SPDYE12: variants seen among roughly 807,000 people sequenced by gnomAD.
The protein encoded by SPDYE12 is speedy/RINGO cell cycle regulator family member E12, also known as speedy protein E12.
the SPDYE12 span, among the ~76,000 whole-genome samples, chr7:74,906,196 C>A: frequency 7.1e-6 from 1 of 140,948 alleles, no homozygotes; most frequent in African/African-American, 3.1e-5. Flanking sequence ...AATCCTCCCT[C>A]CTCATGACAA....
At chr7:74,909,033 G>GTTTTTTTTTTTTTTTTTTGGTT in the SPDYE12 span, among the ~76,000 whole-genome samples, 1 of 32,002 alleles carries the variant, frequency 3.1e-5, no homozygotes, top group Non-Finnish European at 9.0e-5. Context: ...TTTTTGCCTG[G>GTTTTTTTTTTTTTTTTTTGGTT]TTTTTTTTTT....
At chr7:74,904,626 G>GT in the SPDYE12 span, among the ~76,000 whole-genome samples, 2 of 151,288 alleles carry the variant, frequency 1.3e-5, no homozygotes, top group Non-Finnish European at 3.0e-5. Context: ...AGATTGAAAG[G>GT]TAAAAGATTT....
the SPDYE12 span, chr7:74,909,743 T>A: frequency 9.0e-7 from 1 of 1,114,746 alleles, no homozygotes; most frequent in African/African-American, 1.5e-5. Flanking sequence ...ACTGTGCTCA[T>A]GTGGAAATTG....
chr7:74,910,435 A>G, the SPDYE12 span, among the ~76,000 whole-genome samples: 448 of 149,632 alleles, frequency 3.0e-3, 5 homozygotes, highest in African/African-American at 9.6e-3. Flanking sequence ...GACGTCTGTA[A>G]TCTCAGCACT....
At chr7:74,914,936 C>CA in the SPDYE12 span, among the ~76,000 whole-genome samples, 10,064 of 93,762 alleles carry the variant, frequency 0.11, 158 homozygotes, top group African/African-American at 0.27. Context: ...AAAAAAAAAA[C>CA]AAAAAAAAAA....
chr7:74,904,726 A>G, the SPDYE12 span, among the ~76,000 whole-genome samples: 1 of 150,968 alleles, frequency 6.6e-6, no homozygotes, highest in South Asian at 2.1e-4. Flanking sequence ...AGCTTTGTAG[A>G]AACAGCATCT....
the SPDYE12 span, among the ~76,000 whole-genome samples, chr7:74,905,183 ATTATCT>A: frequency 8.8e-6 from 1 of 114,076 alleles, no homozygotes; most frequent in Non-Finnish European, 1.7e-5. Context: ...TGAAAAGAAA[ATTATCT>A]TTAGGTATAT....
chr7:74,906,277 C>G, the SPDYE12 span, among the ~76,000 whole-genome samples: 3 of 142,080 alleles, frequency 2.1e-5, no homozygotes, highest in Non-Finnish European at 4.4e-5. Context: ...AACCCTCGAC[C>G]CAGATCGGTA....
At chr7:74,909,050 T>TTCTTTTTTTTTTTTTTTTTTTG in the SPDYE12 span, among the ~76,000 whole-genome samples, 1 of 118,654 alleles carries the variant, frequency 8.4e-6, no homozygotes, top group Admixed American at 8.1e-5. Context: ...TTTTTTTTTT[T>TTCTTTTTTTTTTTTTTTTTTTG]GGCTTTTTTT....
At chr7:74,904,822 T>C in the SPDYE12 span, among the ~76,000 whole-genome samples, 1 of 149,114 alleles carries the variant, frequency 6.7e-6, no homozygotes, top group Non-Finnish European at 1.5e-5. Context: ...ATTTAATAAA[T>C]ATTTCAATAA....
chr7:74,907,351 C>T, the SPDYE12 span, among the ~76,000 whole-genome samples: 3 of 151,128 alleles, frequency 2.0e-5, no homozygotes, highest in Non-Finnish European at 4.4e-5. Context: ...TCCCAGCACA[C>T]TGGGAGGCCG....
chr7:74,907,043 A>C, the SPDYE12 span: 1 of 1,572,614 alleles, frequency 6.4e-7, no homozygotes, highest in South Asian at 1.1e-5. Flanking sequence ...AGGAAGTAGA[A>C]GATGTTTTGT....
the SPDYE12 span, among the ~76,000 whole-genome samples, chr7:74,914,949 AAAAG>A: frequency 6.7e-6 from 1 of 149,110 alleles, no homozygotes; most frequent in African/African-American, 2.4e-5. Context: ...AAAAAAAACA[AAAAG>A]AACCTGTGGA....
the SPDYE12 span, chr7:74,910,716 A>G: frequency 5.1e-6 from 7 of 1,382,178 alleles, no homozygotes; most frequent in Non-Finnish European, 7.1e-6. Flanking sequence ...ACAAAAACAA[A>G]AAAAAACTGT....
At chr7:74,910,142 CA>C in the SPDYE12 span, among the ~76,000 whole-genome samples, 3 of 143,744 alleles carry the variant, frequency 2.1e-5, no homozygotes. Context: ...GAGGTGGAGA[CA>C]GGAGGATCAT....
chr7:74,912,995 A>G, the SPDYE12 span, among the ~76,000 whole-genome samples: 1 of 128,706 alleles, frequency 7.8e-6, no homozygotes, highest in African/African-American at 3.2e-5. Flanking sequence ...GGGTTTCACC[A>G]TGTTGGCCAG....
chr7:74,907,661 G>A, the SPDYE12 span, among the ~76,000 whole-genome samples: 1 of 150,572 alleles, frequency 6.6e-6, no homozygotes, highest in Non-Finnish European at 1.5e-5. Flanking sequence ...AACCCAGGAG[G>A]CGGAGGTTGC....
chr7:74,909,967 C>CT, the SPDYE12 span, among the ~76,000 whole-genome samples: 3 of 150,690 alleles, frequency 2.0e-5, 1 homozygote, highest in East Asian at 5.9e-4. Context: ...TGCAGCCAGA[C>CT]TGTGGCCCAG....
chr7:74,907,712 C>T, the SPDYE12 span, among the ~76,000 whole-genome samples: 9 of 149,180 alleles, frequency 6.0e-5, no homozygotes, highest in East Asian at 1.8e-3. Flanking sequence ...GCCTGAGAGA[C>T]ACAGCAACAC....
Sources: allele counts gnomAD v4.1 joint callset (sites outside exome capture counted in the v4.1 genomes callset), GRCh38; gene constraint gnomAD v4.1.1; transcripts MANE v1.5; gene names NCBI Gene and HGNC (gene_info 2026-07-23, HGNC 2026-07-21).